Variants in CARNS1 observed in about 807,000 individuals in gnomAD.
CARNS1 encodes the protein carnosine synthase 1, also known as ATP-grasp domain containing 1.
Under a neutral mutation model 74.0 loss-of-function variants are expected in CARNS1, and 61 were observed. That is an observed-to-expected ratio of 0.82 (90% CI 0.67 to 1.02). CARNS1 has a LOEUF of 1.02. CARNS1 is among the 50% of genes least tolerant of loss of function. The pLI is 0.00. For missense variants in CARNS1, 1,278 were observed against 1,308.4 expected, an observed-to-expected ratio of 0.98 and a Z score of 0.36; for synonymous variants, 568 against 605.5, an observed-to-expected ratio of 0.94 and a Z score of 0.91.
chr11:67,421,005 G>A lies in CARNS1; in HGVS notation c.1412G>A (p.Gly471Asp). The change falls in exon 9 of 10, where the codon GGC becomes GAC. Residue 471 changes from glycine to aspartate, a missense_variant. Physicochemically the swap from Gly to Asp is moderately conservative, Grantham distance 94 (BLOSUM62 -1). Transcript: ENST00000687366. ...CCAGTGGCCCTGGAGCTGAACGGCGGCCTGTGTCTGGAGGCGTGCGGCGCG... is the reference window on the plus strand; with the variant it reads ...CCAGTGGCCCTGGAGCTGAACGGCGACCTGTGTCTGGAGGCGTGCGGCGCG... ...LTPVALELNGGLCLEACGALE... is the reference protein window; with the variant it reads ...LTPVALELNGDLCLEACGALE... 2 of 1,416,860 alleles carry A rather than the reference G, an allele frequency of 1.4e-6. No homozygotes were observed. Among genetic ancestry groups the A allele is most frequent in the Non-Finnish European group, 1.8e-6 (2 of 1,088,950 alleles). 87.8% of individuals were successfully genotyped at this position (1,416,860 alleles called of 1,614,324 possible).
In CARNS1 at chr11:67,419,777, TGGC is replaced by T; in HGVS notation, c.1053_1055del (p.Ala352del). On this transcript the variant is annotated inframe_deletion, in exon 7 of 10. Transcript: ENST00000687366. ...GATGGTCCTTCACCCGGCCCCGGCCTGGCCGTGCGAATCTGTGCTGTGGTGTGT... is the reference window on the plus strand; with the variant it reads ...GATGGTCCTTCACCCGGCCCCGGCCTCGTGCGAATCTGTGCTGTGGTGTGT... 1 of 1,604,892 alleles carries T rather than the reference TGGC, an allele frequency of 6.2e-7. No homozygotes were observed. The highest frequency in any genetic ancestry group is 8.5e-7 in the Non-Finnish European group (1 of 1,176,120).
chr11:67,419,089 C>A lies in CARNS1; in HGVS notation c.698C>A (p.Ala233Asp). 1 of 1,567,864 alleles carries A rather than the reference C, an allele frequency of 6.4e-7. No individual in the cohort carries two copies. The highest frequency in any genetic ancestry group is 8.6e-7 in the Non-Finnish European group (1 of 1,156,846). ...GGTGTGGCTGTGCCAGCAACCCTGG[C>A]TTTCACCTACAAGCCGCCGGGGCTG... ...QGGVAVPATL[A>D]FTYKPPGLLR... The change falls in exon 5 of 10, where the codon GCT (alanine) becomes GAT (aspartate). Residue 233 changes from alanine (A) to aspartate (D), a missense_variant. Ala to Asp is a moderately radical substitution (Grantham distance 126). Coordinates refer to ENST00000687366, the MANE Select transcript of CARNS1 (RefSeq NM_001166222.2).
intron 2 of CARNS1, 41 bp downstream of exon 2, chr11:67,416,243 C>T: frequency 6.5e-7 from 1 of 1,536,976 alleles, no homozygotes; most frequent in Non-Finnish European, 8.7e-7. Context: ...GCCCAAGTCC[C>T]TGGGCAGAGA....
Position 67,421,133 on chromosome 11 carries a change from A to C in CARNS1, c.1540A>C (p.Met514Leu), listed in dbSNP as rs1038246398. 6.7e-7 allele frequency: 1 copy of C among 1,484,068 alleles called. No homozygotes were observed. The highest frequency in any genetic ancestry group is 8.9e-7 in the Non-Finnish European group (1 of 1,124,200). 91.9% of individuals were successfully genotyped at this position (1,484,068 alleles called of 1,614,324 possible). Residue 514 changes from methionine (M) to leucine (L), a missense_variant, in exon 9 of 10, where the codon ATG becomes CTG. Physicochemically the swap from Met to Leu is conservative, Grantham distance 15 (BLOSUM62 2). Transcript: ENST00000687366. ...TMLRRSARCL[M>L]EGKQLLVVGA... Reference sequence around the variant, plus strand: ...GCTTCGGCGGTCGGCGCGCTGCCTCATGGAGGGAAAACAGCTGCTGGTGGT... The same window carrying C: ...GCTTCGGCGGTCGGCGCGCTGCCTCCTGGAGGGAAAACAGCTGCTGGTGGT...
Position 67,419,263 on chromosome 11 carries a change from C to A in CARNS1, c.852+20C>A. On this transcript the variant is annotated intron_variant, in intron 5 of 9. Transcript: ENST00000687366. The stretch of plus-strand genomic sequence containing the variant: ...CTGCAGGTAACAGACTCTCGCCCAC[C>A]CTGAGGTCTGTACAGATGCCAGCAG... 1 of 1,469,566 alleles carries A rather than the reference C, an allele frequency of 6.8e-7. No homozygotes were observed. The highest frequency in any genetic ancestry group is 9.0e-7 in the Non-Finnish European group (1 of 1,106,140). The allele number at this position is 1,469,566 out of a possible 1,614,324, so 91.0% of individuals were successfully genotyped here. A position where few individuals can be genotyped will look rare whatever the true frequency, so the allele number is the denominator to read the frequency against.
At chr11:67,415,899 C>G (rs1863533971) in intron 1 of CARNS1, 136 bp downstream of exon 1, 1 of 288,582 alleles carries the variant, frequency 3.5e-6, no homozygotes, top group African/African-American at 2.2e-5. Context: ...CCCCGGGACC[C>G]GGTGCCCCCA....
At position 67,420,800 on chromosome 11, in the gene CARNS1, C is replaced by G. The variant is rs969639762; in HGVS notation, c.1305C>G (p.Ala435=). 3.7e-5 allele frequency: 45 copies of G among 1,229,290 alleles called. No individual in the cohort carries two copies. In the African/African-American group the frequency reaches 5.0e-4, roughly 14 times the overall value. 76.1% of individuals were successfully genotyped at this position (1,229,290 alleles called of 1,614,324 possible). A position where few individuals can be genotyped will look rare whatever the true frequency, so the allele number is the denominator to read the frequency against. Residue 435 remains alanine, a synonymous_variant, in exon 8 of 10, where the codon GCC becomes GCG. Transcript: ENST00000687366. ...AVLALEAGLS[A]EQRGGRRAHT... Reference sequence around the variant, plus strand: ...TGGCTCTGGAGGCCGGCCTGAGTGCCGAGCAGCGCGGCGGGCGCCGGGCGC... The same window carrying G: ...TGGCTCTGGAGGCCGGCCTGAGTGCGGAGCAGCGCGGCGGGCGCCGGGCGC...
rs756237561 is a variant in CARNS1, at chr11:67,423,015, G to T, written c.1627-360G>T. 6.6e-6 allele frequency among the ~76,000 whole-genome samples: 1 copy of T among 152,090 alleles called. No homozygotes were observed. The highest frequency in any genetic ancestry group is 1.5e-5 in the Non-Finnish European group (1 of 68,012). Reference sequence around the variant, plus strand: ...CCCTGGTAGTTTCTCTGCAATCCCCGGCCAGTGAGGCTGCCTGTGGGAAAG... The same window carrying T: ...CCCTGGTAGTTTCTCTGCAATCCCCTGCCAGTGAGGCTGCCTGTGGGAAAG... On this transcript the variant is annotated intron_variant, in intron 9 of 9. Transcript: ENST00000687366. This position sits in a 1 kb window ranked among gnomAD's most constrained non-coding sequence, Gnocchi z 5.1.
At position 67,419,622 on chromosome 11, in the gene CARNS1, G is replaced by T; in HGVS notation, c.988G>T (p.Val330Leu). The T allele has an allele frequency of 6.2e-7, 1 of 1,601,206 alleles. No homozygotes were observed. The highest frequency in any genetic ancestry group is 8.5e-7 in the Non-Finnish European group (1 of 1,175,252). The change falls in exon 6 of 10, where the codon GTG (valine) becomes TTG (leucine). Residue 330 changes from valine to leucine, a missense_variant. By Grantham distance (32) the Val-to-Leu change is conservative. Coordinates refer to ENST00000687366, the MANE Select transcript of CARNS1 (RefSeq NM_001166222.2). ...EKLEEEESVL[V>L]EAVYPPAQLP... is the part of the protein sequence containing the mutation. ...GCTGGAGGAGGAGGAGAGTGTCCTGGTGGAGGCTGTGTACCCACCTGCCCA... is the reference window on the plus strand; with the variant it reads ...GCTGGAGGAGGAGGAGAGTGTCCTGTTGGAGGCTGTGTACCCACCTGCCCA...
chr11:67,418,569 C>A, intron 4 of CARNS1, 49 bp downstream of exon 4: 1 of 1,483,418 alleles, frequency 6.7e-7, no homozygotes, highest in Non-Finnish European at 9.0e-7. Context: ...AAAGGGCAGC[C>A]CTGCCCTGGC....
At chr11:67,419,864 T>A in intron 7 of CARNS1, 26 bp downstream of exon 7, 4 of 1,554,056 alleles carry the variant, frequency 2.6e-6, no homozygotes, top group Non-Finnish European at 3.5e-6. Context: ...GCCCAGGCTG[T>A]GACCCTGCCT....
At chr11:67,418,340 G>C (rs1225456331) in intron 3 of CARNS1, 91 bp from the exon 4 acceptor site, 1 of 934,498 alleles carries the variant, frequency 1.1e-6, no homozygotes, top group Non-Finnish European at 1.5e-6. Flanking sequence ...TGGGGGCTCA[G>C]GGTGGGGCCG....
intron 2 of CARNS1, chr11:67,416,988 G>C: frequency 2.0e-6 from 2 of 994,964 alleles, no homozygotes; most frequent in Non-Finnish European, 2.4e-6. Context: ...GTGATGGCTG[G>C]GTTCGTTCAT....
chr11:67,418,814 G>C lies in CARNS1; in HGVS notation c.423G>C (p.Gln141His). ...TGATGAAGGTGCCAGCACCCGGGCA[G>C]CCGGGTGAGGCAGCCCTGCTAGTCT... ...AWLMKVPAPG[Q>H]PGEAALLVSK... Residue 141 changes from glutamine to histidine, a missense_variant, in exon 5 of 10, where the codon CAG becomes CAC. Transcript: ENST00000687366. 1 of 1,600,282 alleles carries C rather than the reference G, an allele frequency of 6.2e-7. No individual in the cohort carries two copies. Among genetic ancestry groups the C allele is most frequent in the Non-Finnish European group, 8.5e-7 (1 of 1,174,072 alleles).
rs762855281 is a variant in CARNS1, at chr11:67,423,997, C to T, written c.2249C>T (p.Ser750Phe). The change falls in exon 10 of 10, where the codon TCC becomes TTC. Residue 750 changes from serine to phenylalanine, a missense_variant. This residue lies in a region of CARNS1 where 1,164 missense variants were observed against 1,156.5 expected (regional missense o/e 1.01). Coordinates refer to ENST00000687366, the MANE Select transcript of CARNS1 (RefSeq NM_001166222.2). This position sits in a 1 kb window ranked among gnomAD's most constrained non-coding sequence, Gnocchi z 5.1. ...FGGRLLAAFVSDNGPTRLPGF... is the reference protein window; with the variant it reads ...FGGRLLAAFVFDNGPTRLPGF... ...GGGCGGTTGCTGGCTGCCTTTGTCT[C>T]CGACAATGGCCCTACGAGGCTGCCT... 11 of 1,613,132 alleles carry T rather than the reference C, an allele frequency of 6.8e-6. No homozygotes were observed. The highest frequency in any genetic ancestry group is 2.2e-5 in the East Asian group (1 of 44,884).
At position 67,421,074 on chromosome 11, in the gene CARNS1, A is replaced by G; in HGVS notation, c.1481A>G (p.Asp494Gly). The change falls in exon 9 of 10, where the codon GAC (aspartate) becomes GGC (glycine). Residue 494 changes from aspartate (D) to glycine (G), a missense_variant. Around this residue, in one of 3 missense-constraint regions of CARNS1, gnomAD observed 1,164 missense variants for 1,156.5 expected, o/e 1.01. Transcript: ENST00000687366. The part of the protein sequence containing the change: ...WAAPRLGPAA[D>G]EAVAAPLVET... Reference sequence around the variant, plus strand: ...GCGCCGCGGCTGGGGCCGGCGGCCGACGAGGCGGTGGCGGCGCCGCTGGTG... The same window carrying G: ...GCGCCGCGGCTGGGGCCGGCGGCCGGCGAGGCGGTGGCGGCGCCGCTGGTG... 3 of 1,369,340 alleles carry G rather than the reference A, an allele frequency of 2.2e-6. No individual in the cohort carries two copies. Among genetic ancestry groups the G allele is most frequent in the Non-Finnish European group, 2.8e-6 (3 of 1,071,848 alleles). The allele number at this position is 1,369,340 out of a possible 1,614,324, so 84.8% of individuals were successfully genotyped here. A position where few individuals can be genotyped will look rare whatever the true frequency, so the allele number is the denominator to read the frequency against.
At chr11:67,420,443 A>G (rs1221912960) in intron 7 of CARNS1, among the ~76,000 whole-genome samples, 166 bp from the exon 8 acceptor site, 1 of 152,164 alleles carries the variant, frequency 6.6e-6, no homozygotes, top group Non-Finnish European at 1.5e-5. Flanking sequence ...TGGGGACCAG[A>G]TGGGGAGTGG....
rs1863809326 is a variant in CARNS1 at position 67,425,485 on chromosome 11, G to C, written c.*884G>C. ...ACACCTAACTAGCATTGGCAGAGGA[G>C]AGTCTACACTCTCTTCCTCATTCAG... On this transcript the variant is annotated 3_prime_UTR_variant, in exon 10 of 10. Transcript: ENST00000687366. 1 of 187,508 alleles carries C rather than the reference G, an allele frequency of 5.3e-6. No homozygotes were observed. Among genetic ancestry groups the C allele is most frequent in the African/African-American group, 2.3e-5 (1 of 43,054 alleles). The allele number at this position is 187,508 out of a possible 1,614,324, so 11.6% of individuals were successfully genotyped here. A position where few individuals can be genotyped will look rare whatever the true frequency, so the allele number is the denominator to read the frequency against.
rs1863804098 is a variant in CARNS1, at chr11:67,425,290, A to G, written c.*689A>G. ...CACAGTGGAGAGCGGGTCACAGGAC[A>G]TGATGCAGGGTCCAGGTTTCTGTTT... On this transcript the variant is annotated 3_prime_UTR_variant, in exon 10 of 10. Transcript: ENST00000687366. 2.9e-6 allele frequency: 1 copy of G among 349,936 alleles called. No individual in the cohort carries two copies. Among genetic ancestry groups the G allele is most frequent in the South Asian group, 2.2e-5 (1 of 46,054 alleles). The allele number at this position is 349,936 out of a possible 1,614,324, so 21.7% of individuals were successfully genotyped here.
Sources: allele counts gnomAD v4.1 joint callset (sites outside exome capture counted in the v4.1 genomes callset), GRCh38; gene constraint gnomAD v4.1.1; regional missense constraint gnomAD v4.1.1; non-coding constraint Gnocchi (gnomAD v3.1); transcripts MANE v1.5; gene names NCBI Gene and HGNC (gene_info 2026-07-23, HGNC 2026-07-21).